FGF2: variants seen among roughly 807,000 people sequenced by gnomAD.
The protein encoded by FGF2 is fibroblast growth factor 2, also known as basic fibroblast growth factor bFGF.
FGF2 carries 13 observed loss-of-function variants against 15.9 expected under a neutral mutation model. The observed-to-expected ratio is 0.82, with a 90% CI of 0.53 to 1.30. The LOEUF (loss-of-function observed/expected upper bound fraction) is 1.30, where lower values mean the gene tolerates loss of function less well. Among genes scored for constraint, FGF2 ranks in the 50% most tolerant of loss-of-function variants. The probability of loss-of-function intolerance (pLI) is 0.00; values close to 1 mark genes in which losing one functional copy is unlikely to be tolerated. For synonymous variants in FGF2, 90 were observed against 78.4 expected, an observed-to-expected ratio of 1.15 and a Z score of -0.78; for missense variants, 163 against 196.9, an observed-to-expected ratio of 0.83 and a Z score of 1.03.
intron 2 of FGF2, among the ~76,000 whole-genome samples, chr4:122,877,928 T>C (rs762746076): frequency 1.3e-5 from 2 of 152,206 alleles, no homozygotes; most frequent in East Asian, 1.9e-4. Flanking sequence ...TTATGTAATT[T>C]TTGCAGGATA....
rs1269402027 is a variant in FGF2, at chr4:122,827,428, C to T, written c.178+76C>T. The T allele has an allele frequency of 1.8e-5, 28 of 1,522,000 alleles. No individual in the cohort carries two copies. The highest frequency in any genetic ancestry group is 2.4e-5 in the Non-Finnish European group (26 of 1,103,356). The allele number at this position is 1,522,000 out of a possible 1,614,324, so 94.3% of individuals were successfully genotyped here. A position where few individuals can be genotyped will look rare whatever the true frequency, so the allele number is the denominator to read the frequency against. On this transcript the variant is annotated intron_variant, in intron 1 of 2. Transcript: ENST00000644866. This position sits in a 1 kb window ranked among gnomAD's most constrained non-coding sequence, Gnocchi z 4.2. ...CCCGCTCTCTCCCCTCCAGCCTGCA[C>T]CCTCCTCCCGGATCTTCACTGCGAC...
intron 1 of FGF2, among the ~76,000 whole-genome samples, chr4:122,871,496 A>G (rs1726730991): frequency 6.6e-6 from 1 of 151,836 alleles, no homozygotes; most frequent in Admixed American, 6.6e-5. Context: ...CCACCAAGAG[A>G]GAAAGTGCTT....
At chr4:122,838,641 G>A (rs1725914261) in intron 1 of FGF2, among the ~76,000 whole-genome samples, 1 of 152,148 alleles carries the variant, frequency 6.6e-6, no homozygotes, top group African/African-American at 2.4e-5. Context: ...AATGATTTAA[G>A]CAAATAATTT....
Position 122,826,914 on chromosome 4 carries a change from C to T in FGF2, c.-261C>T. 6.7e-7 allele frequency: 1 copy of T among 1,498,594 alleles called. No individual in the cohort carries two copies. 92.8% of individuals were successfully genotyped at this position (1,498,594 alleles called of 1,614,324 possible). ...GGAGGCGGCTCTCCCCAGGCGGCGT[C>T]CGCGGAGACACCCATCCGTGAACCC... On this transcript the variant is annotated 5_prime_UTR_variant, in exon 1 of 3. Coordinates refer to ENST00000644866, the MANE Select transcript of FGF2 (RefSeq NM_001361665.2).
intron 1 of FGF2, among the ~76,000 whole-genome samples, chr4:122,875,204 A>T (rs1726813832): frequency 6.6e-6 from 1 of 152,104 alleles, no homozygotes; most frequent in Admixed American, 6.6e-5. Context: ...ATTTCAATTA[A>T]TTAGGTAATT....
chr4:122,897,375 C>A lies in FGF2; in HGVS notation c.*4979C>A. 1 of 464,596 alleles carries A rather than the reference C, an allele frequency of 2.2e-6. No homozygotes were observed. The highest frequency in any genetic ancestry group is 3.9e-6 in the Non-Finnish European group (1 of 259,480). The allele number at this position is 464,596 out of a possible 1,614,324, so 28.8% of individuals were successfully genotyped here. On this transcript the variant is annotated 3_prime_UTR_variant, in exon 3 of 3. Coordinates refer to ENST00000644866, the MANE Select transcript of FGF2 (RefSeq NM_001361665.2). ...CTTCTCATTTTCAGACAGATTAATC[C>A]AGAAGCAGTCATAAACAGAAGAATA...
chr4:122,886,732 T>G (rs1727067388), intron 2 of FGF2, among the ~76,000 whole-genome samples: 1 of 152,168 alleles, frequency 6.6e-6, no homozygotes, highest in South Asian at 2.1e-4. Flanking sequence ...AACAATGCAT[T>G]TATTTTAAGT....
chr4:122,872,370 C>T (rs1454242065), intron 1 of FGF2, among the ~76,000 whole-genome samples: 1 of 152,042 alleles, frequency 6.6e-6, no homozygotes, highest in African/African-American at 2.4e-5. Context: ...AAATATGGGA[C>T]TTCATAAAAA....
chr4:122,850,603 G>A (rs759330589), intron 1 of FGF2, among the ~76,000 whole-genome samples: 2 of 152,094 alleles, frequency 1.3e-5, no homozygotes, highest in Non-Finnish European at 2.9e-5. Flanking sequence ...GTAGAAGAGG[G>A]AAAGGAAGAA....
rs775917043 is a variant in FGF2 at position 122,892,572 on chromosome 4, A to G, written c.*176A>G. On this transcript the variant is annotated 3_prime_UTR_variant, in exon 3 of 3. Transcript: ENST00000644866. ...TGTCCCAGTAAAGAAAAATAACAAA[A>G]GTTGTAAAATGTATATTCTCCCTTT... 8 of 1,450,392 alleles carry G rather than the reference A, an allele frequency of 5.5e-6. No homozygotes were observed. The highest frequency in any genetic ancestry group is 7.2e-6 in the Non-Finnish European group (8 of 1,107,220). The allele number at this position is 1,450,392 out of a possible 1,614,324, so 89.8% of individuals were successfully genotyped here.
chr4:122,837,596 T>C (rs928390029), intron 1 of FGF2, among the ~76,000 whole-genome samples: 2 of 152,192 alleles, frequency 1.3e-5, no homozygotes, highest in African/African-American at 4.8e-5. Flanking sequence ...AAGTGTCATT[T>C]GACCTTTCGT....
intron 1 of FGF2, among the ~76,000 whole-genome samples, chr4:122,856,973 A>T (rs1210861042): frequency 6.6e-6 from 1 of 152,166 alleles, no homozygotes; most frequent in African/African-American, 2.4e-5. Flanking sequence ...CATTTAACAC[A>T]TATAGGGTTG....
chr4:122,836,007 C>G (rs1725858528), intron 1 of FGF2, among the ~76,000 whole-genome samples: 2 of 152,224 alleles, frequency 1.3e-5, no homozygotes, highest in Admixed American at 1.3e-4. Flanking sequence ...TCCAGCCCAA[C>G]AGACTTCTTT....
chr4:122,897,506 GACTCAGTCGGAACAAATTGGAAAATTT>G lies in FGF2; in HGVS notation c.*5112_*5138del, dbSNP rs1429728189. On this transcript the variant is annotated 3_prime_UTR_variant, in exon 3 of 3. Coordinates refer to ENST00000644866, the MANE Select transcript of FGF2 (RefSeq NM_001361665.2). ...TCTGAGGTAATTTCTGAAATGTTCA[GACTCAGTCGGAACAAATTGGAAAATTT>G]AAATTTTTATTCTTAGCTATAAAGC... 3 of 736,496 alleles carry G rather than the reference GACTCAGTCGGAACAAATTGGAAAATTT, an allele frequency of 4.1e-6. No homozygotes were observed. The highest frequency in any genetic ancestry group is 7.2e-6 in the Non-Finnish European group (3 of 414,588). 45.6% of individuals were successfully genotyped at this position (736,496 alleles called of 1,614,324 possible).
chr4:122,887,618 G>A (rs778345273), intron 2 of FGF2, among the ~76,000 whole-genome samples: 28 of 152,142 alleles, frequency 1.8e-4, no homozygotes, highest in Non-Finnish European at 3.2e-4. Context: ...ATTAGAGTCT[G>A]CTCTATTCAA....
intron 1 of FGF2, among the ~76,000 whole-genome samples, chr4:122,869,566 G>C (rs1429264990): frequency 6.6e-6 from 1 of 152,098 alleles, no homozygotes; most frequent in Non-Finnish European, 1.5e-5. Context: ...CTTGTTAGCT[G>C]TATTCCTAGG....
At chr4:122,855,000 A>T (rs922730128) in intron 1 of FGF2, among the ~76,000 whole-genome samples, 2 of 152,148 alleles carry the variant, frequency 1.3e-5, no homozygotes, top group East Asian at 3.9e-4. Context: ...GGGCACACAC[A>T]TGCCGCTCTG....
At chr4:122,883,059 G>C (rs1468330000) in intron 2 of FGF2, 2 of 152,184 alleles carry the variant, frequency 1.3e-5, no homozygotes, top group East Asian at 3.9e-4. Context: ...GATGTGCCTC[G>C]TAACTTGAAG....
intron 1 of FGF2, among the ~76,000 whole-genome samples, chr4:122,846,112 G>A (rs983184811): frequency 4.6e-5 from 7 of 152,230 alleles, no homozygotes; most frequent in African/African-American, 1.2e-4. Context: ...GGCCCTAAGA[G>A]TGGTGGAGAC....
Sources: gnomAD v4.1 joint callset for allele counts (sites outside exome capture counted in the v4.1 genomes callset) on GRCh38, gnomAD v4.1.1 for gene constraint, Gnocchi (gnomAD v3.1) non-coding constraint, MANE v1.5 for transcripts, NCBI Gene and HGNC (gene_info 2026-07-23, HGNC 2026-07-21) for gene names.